Variants in FRMD5 observed in about 807,000 individuals in gnomAD.
FRMD5 encodes FERM domain containing 5.
FRMD5 carries 20 observed loss-of-function variants against 69.0 expected under a neutral mutation model. The observed-to-expected ratio is 0.29, with a 90% CI of 0.20 to 0.42. The LOEUF (loss-of-function observed/expected upper bound fraction) is 0.42, where lower values mean the gene tolerates loss of function less well. Among genes scored for constraint, FRMD5 ranks in the 10% least tolerant of loss-of-function variants. FRMD5 has a pLI of 1.00. For missense variants in FRMD5, 595 were observed against 708.6 expected (o/e 0.84, Z 1.82); for synonymous variants, 271 against 260.1 (o/e 1.04, Z -0.40).
At chr15:43,966,214 T>C (rs562101580) in intron 1 of FRMD5, among the ~76,000 whole-genome samples, 1 of 151,866 alleles carries the variant, frequency 6.6e-6, no homozygotes, top group East Asian at 2.0e-4. Context: ...CTAATAAAAA[T>C]ACAAAAGTTA....
intron 1 of FRMD5, among the ~76,000 whole-genome samples, chr15:43,977,912 T>G (rs987064973): frequency 2.0e-5 from 3 of 152,192 alleles, no homozygotes; most frequent in African/African-American, 7.2e-5. Context: ...GTAACAACCC[T>G]GACTACAACA....
In FRMD5 at chr15:44,136,764, A is replaced by G. The variant is rs2615270; in HGVS notation, c.102+58189T>C. Among the ~76,000 whole-genome samples, 190 of 152,314 alleles carry G rather than the reference A, an allele frequency of 1.2e-3. 2 individuals carry two copies. In the East Asian group the frequency reaches 0.027, roughly 22 times the overall value. ...ATGTTATGGTTGAGACAACCTTGCAATCAATAATGGTTTTACATACCAAGG... is the reference window on the plus strand; with the variant it reads ...ATGTTATGGTTGAGACAACCTTGCAGTCAATAATGGTTTTACATACCAAGG... On this transcript the variant is annotated intron_variant, in intron 1 of 13. Transcript: ENST00000417257.
chr15:43,901,419 G>A (rs942262774), intron 7 of FRMD5, among the ~76,000 whole-genome samples: 4 of 152,176 alleles, frequency 2.6e-5, no homozygotes, highest in Non-Finnish European at 2.9e-5. Context: ...GGCTGATACT[G>A]CTTCCTTCAG....
chr15:44,025,908 A>T (rs1891408991), intron 1 of FRMD5, among the ~76,000 whole-genome samples: 1 of 152,142 alleles, frequency 6.6e-6, no homozygotes, highest in Non-Finnish European at 1.5e-5. Context: ...ACCTTTTCTC[A>T]TTCACTTTAC....
intron 1 of FRMD5, among the ~76,000 whole-genome samples, chr15:44,018,998 G>A (rs1023443912): frequency 1.3e-5 from 2 of 151,918 alleles, no homozygotes; most frequent in South Asian, 2.1e-4. Flanking sequence ...GGGTTCAAGC[G>A]ATTCTCCTGC....
intron 1 of FRMD5, among the ~76,000 whole-genome samples, chr15:44,139,298 TACACACACACACAC>T (rs140679752): frequency 1.4e-5 from 2 of 143,680 alleles, no homozygotes; most frequent in African/African-American, 2.5e-5. Flanking sequence ...CCCCTCTCTC[TACACACACACACAC>T]ACACACACAC....
In FRMD5 at chr15:43,909,495, T is replaced by C. The variant is rs528744736; in HGVS notation, c.427+387A>G. On this transcript the variant is annotated intron_variant, in intron 5 of 13. Transcript: ENST00000417257. ...GTTTGTTTGTTTATGTATTTATTTA[T>C]TTGGAGATGGAGTCTTGGTCTGTTG... 4.6e-5 allele frequency among the ~76,000 whole-genome samples: 7 copies of C among 152,106 alleles called. No homozygotes were observed. In the East Asian group the frequency reaches 1.2e-3, roughly 25 times the overall value.
intron 1 of FRMD5, among the ~76,000 whole-genome samples, chr15:44,037,821 A>C (rs1363342623): frequency 6.6e-6 from 1 of 152,122 alleles, no homozygotes; most frequent in Non-Finnish European, 1.5e-5. Flanking sequence ...TTATATACCT[A>C]TTAATGGGAT....
intron 1 of FRMD5, among the ~76,000 whole-genome samples, chr15:44,008,868 T>C (rs1890581223): frequency 6.6e-6 from 1 of 151,794 alleles, no homozygotes; most frequent in Non-Finnish European, 1.5e-5. Context: ...CTACTAAAAA[T>C]CCGAAAAATA....
At chr15:44,118,362 C>T (rs1429872443) in intron 1 of FRMD5, among the ~76,000 whole-genome samples, 1 of 152,088 alleles carries the variant, frequency 6.6e-6, no homozygotes, top group Non-Finnish European at 1.5e-5. Flanking sequence ...CATTTTAAGG[C>T]AGATTTTAAG....
At chr15:44,189,218 C>G (rs1168028991) in intron 1 of FRMD5, among the ~76,000 whole-genome samples, 1 of 152,070 alleles carries the variant, frequency 6.6e-6, no homozygotes, top group Admixed American at 6.6e-5. Context: ...GTTGGTAAGA[C>G]CACAAAAGTA....
intron 1 of FRMD5, among the ~76,000 whole-genome samples, chr15:43,931,648 T>C (rs891171264): frequency 6.6e-6 from 1 of 152,154 alleles, no homozygotes; most frequent in Non-Finnish European, 1.5e-5. Context: ...TCTGGGGTTT[T>C]AGGGAGTATC....
chr15:43,965,634 T>G (rs955476918), intron 1 of FRMD5, among the ~76,000 whole-genome samples: 1 of 149,186 alleles, frequency 6.7e-6, no homozygotes, highest in African/African-American at 2.5e-5. Context: ...CAGGCTGGTG[T>G]GCAATGGCAC....
intron 1 of FRMD5, among the ~76,000 whole-genome samples, chr15:44,109,024 T>G (rs1356135617): frequency 8.2e-6 from 1 of 122,476 alleles, no homozygotes; most frequent in African/African-American, 3.4e-5. Context: ...ATAAAATGTT[T>G]GCCAATGCCA....
intron 3 of FRMD5, 111 bp from the exon 4 acceptor site, chr15:43,919,648 C>T (rs1693218352): frequency 1.9e-5 from 27 of 1,434,664 alleles, no homozygotes; most frequent in Non-Finnish European, 2.5e-5. Flanking sequence ...TATTTAGGGC[C>T]AACTTATACT....
At chr15:44,184,193 A>C (rs1325187282) in intron 1 of FRMD5, among the ~76,000 whole-genome samples, 1 of 152,164 alleles carries the variant, frequency 6.6e-6, no homozygotes, top group Admixed American at 6.5e-5. Context: ...CTGGCCATGG[A>C]AAGTCCACCT....
chr15:44,176,973 A>G (rs1443643151), intron 1 of FRMD5, among the ~76,000 whole-genome samples: 1 of 147,070 alleles, frequency 6.8e-6, no homozygotes, highest in East Asian at 2.0e-4. Flanking sequence ...AATATGTAAA[A>G]AAAAAAAAAA....
chr15:44,076,813 G>C (rs956896483), intron 1 of FRMD5, among the ~76,000 whole-genome samples: 2 of 151,480 alleles, frequency 1.3e-5, no homozygotes, highest in Admixed American at 6.6e-5. Flanking sequence ...CTATGAACAA[G>C]TATAGAGGCT....
chr15:43,994,342 A>G (rs1410296469), intron 1 of FRMD5, among the ~76,000 whole-genome samples: 2 of 152,160 alleles, frequency 1.3e-5, no homozygotes, highest in African/African-American at 2.4e-5. Flanking sequence ...GCGTAAAAAA[A>G]CTCAATACTT....
Sources: gnomAD v4.1 joint callset for allele counts (sites outside exome capture counted in the v4.1 genomes callset) on GRCh38, gnomAD v4.1.1 for gene constraint, MANE v1.5 for transcripts, NCBI Gene and HGNC (gene_info 2026-07-23, HGNC 2026-07-21) for gene names.